ADGRB3: variants seen among roughly 807,000 people sequenced by gnomAD.
ADGRB3 encodes adhesion G protein-coupled receptor B3, also known as brain-specific angiogenesis inhibitor 3.
In ADGRB3, 37 loss-of-function variants were observed where a neutral mutation model predicts 193.4. That is an observed-to-expected ratio of 0.19 (90% confidence interval 0.15 to 0.25). The LOEUF is 0.25. ADGRB3 is among the 10% of genes least tolerant of loss of function. The pLI is 1.00. For missense variants in ADGRB3, 1,637 were observed against 1,852.9 expected (o/e 0.88, Z 2.14); for synonymous variants, 690 against 644.2 (o/e 1.07, Z -1.08).
rs79346256 is a variant in ADGRB3, at chr6:69,264,795, A to T, written c.2814+25569A>T. Among the ~76,000 whole-genome samples the T allele has an allele frequency of 2.6e-5, 4 of 151,970 alleles. No individual in the cohort carries two copies. In the East Asian group the frequency reaches 5.8e-4, roughly 22 times the overall value. ...TTTACACAGTTACTGAGAAAAAAAA[A>T]GTGTATCTATTTGTCTGTAAACCAG... On this transcript the variant is annotated intron_variant, in intron 20 of 31. Transcript: ENST00000370598.
At chr6:68,772,951 A>C (rs801271) in intron 3 of ADGRB3, among the ~76,000 whole-genome samples, 551 of 14,590 alleles carry the variant, frequency 0.038, 13 homozygotes, top group African/African-American at 0.16. Context: ...ACACAAAAAT[A>C]AAAAATAAAA....
chr6:68,838,575 T>C (rs765566101), intron 3 of ADGRB3, among the ~76,000 whole-genome samples: 1 of 152,232 alleles, frequency 6.6e-6, no homozygotes, highest in Non-Finnish European at 1.5e-5. Flanking sequence ...ATTTATTTGG[T>C]AAACTGTGTT....
At chr6:69,344,106 A>T (rs78790429) in intron 26 of ADGRB3, among the ~76,000 whole-genome samples, 5,655 of 152,252 alleles carry the variant, frequency 0.037, 177 homozygotes, top group Admixed American at 0.094. Flanking sequence ...AGAGGGGGAA[A>T]ATCACAAGAT....
intron 15 of ADGRB3, among the ~76,000 whole-genome samples, chr6:69,060,926 C>G (rs1408199719): frequency 6.6e-6 from 1 of 152,022 alleles, no homozygotes; most frequent in African/African-American, 2.4e-5. Flanking sequence ...TTGTCAATTT[C>G]TCTATTCTCA....
At chr6:68,638,420 T>A (rs1561979042) in intron 2 of ADGRB3, among the ~76,000 whole-genome samples, 1 of 152,242 alleles carries the variant, frequency 6.6e-6, no homozygotes. Flanking sequence ...AATAATCTAT[T>A]AAATGTTATT....
chr6:68,830,413 T>C (rs990633234), intron 3 of ADGRB3, among the ~76,000 whole-genome samples: 4 of 152,182 alleles, frequency 2.6e-5, no homozygotes, highest in Non-Finnish European at 4.4e-5. Flanking sequence ...AAGCAATATA[T>C]AGAACTTGGA....
intron 20 of ADGRB3, among the ~76,000 whole-genome samples, chr6:69,248,158 A>G (rs1036027955): frequency 1.3e-5 from 2 of 152,162 alleles, no homozygotes; most frequent in African/African-American, 4.8e-5. Flanking sequence ...CTCCCTATGT[A>G]TTATTTTTCA....
chr6:69,241,917 TGC>T (rs1766392675), intron 20 of ADGRB3, among the ~76,000 whole-genome samples: 1 of 151,956 alleles, frequency 6.6e-6, no homozygotes, highest in Non-Finnish European at 1.5e-5. Flanking sequence ...ATATTAATTT[TGC>T]TTTACTAGCT....
chr6:69,265,623 G>GTAAAAA (rs1341635380), intron 20 of ADGRB3, among the ~76,000 whole-genome samples: 1 of 151,936 alleles, frequency 6.6e-6, no homozygotes, highest in Non-Finnish European at 1.5e-5. Context: ...AAATAATTTT[G>GTAAAAA]GTCCAACTTT....
chr6:68,955,314 A>G (rs1183263771), intron 6 of ADGRB3, among the ~76,000 whole-genome samples: 1 of 152,176 alleles, frequency 6.6e-6, no homozygotes, highest in Non-Finnish European at 1.5e-5. Context: ...CTGCCATGTA[A>G]TTGATTTATC....
chr6:69,016,444 A>G (rs1434666307), intron 12 of ADGRB3, among the ~76,000 whole-genome samples: 1 of 151,968 alleles, frequency 6.6e-6, no homozygotes, highest in East Asian at 1.9e-4. Context: ...CTAGTTCTGA[A>G]GAGAACTTAA....
chr6:69,290,359 A>C (rs1767640325), intron 20 of ADGRB3, among the ~76,000 whole-genome samples: 3 of 152,110 alleles, frequency 2.0e-5, no homozygotes, highest in African/African-American at 7.2e-5. Flanking sequence ...CTGCAGTGGT[A>C]GATCTAAAAT....
chr6:69,074,542 T>TC (rs1317995865), intron 16 of ADGRB3, among the ~76,000 whole-genome samples: 16 of 148,768 alleles, frequency 1.1e-4, no homozygotes, highest in African/African-American at 3.9e-4. Flanking sequence ...CTGTACTTTT[T>TC]TTTTTTTTTT....
intron 17 of ADGRB3, among the ~76,000 whole-genome samples, chr6:69,155,320 C>G (rs1774803745): frequency 6.6e-6 from 1 of 152,176 alleles, no homozygotes; most frequent in African/African-American, 2.4e-5. Flanking sequence ...ACATCTACAT[C>G]TACATTTTGG....
chr6:69,058,240 G>C (rs1338311189), intron 15 of ADGRB3, among the ~76,000 whole-genome samples: 1 of 151,468 alleles, frequency 6.6e-6, no homozygotes, highest in Admixed American at 6.6e-5. Context: ...ATTGTTCATA[G>C]CTGTCTCTTA....
chr6:68,843,685 A>G (rs371713662), intron 3 of ADGRB3, among the ~76,000 whole-genome samples: 6 of 152,130 alleles, frequency 3.9e-5, no homozygotes, highest in African/African-American at 1.2e-4. Context: ...TAAAATGTGT[A>G]TGGAACAACA....
At chr6:68,744,575 A>C (rs915021070) in intron 3 of ADGRB3, among the ~76,000 whole-genome samples, 4 of 152,196 alleles carry the variant, frequency 2.6e-5, no homozygotes, top group Admixed American at 6.5e-5. Context: ...TGATGAGTTC[A>C]TGTCCTTTGC....
chr6:68,657,555 G>A (rs577387208), intron 3 of ADGRB3, among the ~76,000 whole-genome samples: 1 of 151,478 alleles, frequency 6.6e-6, no homozygotes, highest in South Asian at 2.1e-4. Flanking sequence ...CTATTTCAGA[G>A]GACAAATGTG....
At chr6:68,704,549 T>A (rs1277176048) in intron 3 of ADGRB3, among the ~76,000 whole-genome samples, 2 of 152,204 alleles carry the variant, frequency 1.3e-5, no homozygotes. Context: ...CCCTTCTGAC[T>A]GAATTCATGA....
Sources: allele counts gnomAD v4.1 joint callset (sites outside exome capture counted in the v4.1 genomes callset), GRCh38; gene constraint gnomAD v4.1.1; transcripts MANE v1.5; gene names NCBI Gene and HGNC (gene_info 2026-07-23, HGNC 2026-07-21).